Variants in LPP observed in about 807,000 individuals in gnomAD.
The protein encoded by LPP is lipoma-preferred partner.
A neutral mutation model predicts 60.4 loss-of-function variants in LPP; 38 were observed. That is an observed-to-expected ratio of 0.63 (90% CI 0.49 to 0.83). The LOEUF (loss-of-function observed/expected upper bound fraction) is 0.83, where lower values mean the gene tolerates loss of function less well. LPP is among the 40% of genes least tolerant of loss of function. The pLI is 0.00. For missense variants in LPP, 902 were observed against 783.6 expected (o/e 1.15, Z -1.80); for synonymous variants, 328 against 290.8 (o/e 1.13, Z -1.30).
intron 3 of LPP, among the ~76,000 whole-genome samples, chr3:188,403,054 G>A (rs1452807373): frequency 6.6e-6 from 1 of 152,134 alleles, no homozygotes; most frequent in Non-Finnish European, 1.5e-5. Context: ...ACATGCAGAA[G>A]AATGGTAAGA....
intron 4 of LPP, among the ~76,000 whole-genome samples, chr3:188,471,357 G>A (rs1011905617): frequency 2.6e-5 from 4 of 152,182 alleles, no homozygotes; most frequent in Non-Finnish European, 5.9e-5. Flanking sequence ...AAAAACCTGG[G>A]TCAGGAAGAA....
chr3:188,182,178 G>T lies in LPP; in HGVS notation c.-190+27926G>T, dbSNP rs7644774. Among the ~76,000 whole-genome samples the T allele has an allele frequency of 6.5e-3, 996 of 152,248 alleles. 8 individuals are homozygous for T. The highest frequency in any genetic ancestry group is 0.023 in the African/African-American group (935 of 41,530). On this transcript the variant is annotated intron_variant, in intron 1 of 11. Coordinates refer to ENST00000617246, the MANE Select transcript of LPP (RefSeq NM_001375462.1). The surrounding 1 kb of genome is among the most constrained non-coding windows in gnomAD (Gnocchi z 4.4). ...AATCTGTGTGGAACGATTGCCTTAGGCTGCAAGTTTATCCCTTCACAATGC... is the reference window on the plus strand; with the variant it reads ...AATCTGTGTGGAACGATTGCCTTAGTCTGCAAGTTTATCCCTTCACAATGC...
chr3:188,266,657 A>G (rs1735685365), intron 2 of LPP, among the ~76,000 whole-genome samples: 1 of 151,978 alleles, frequency 6.6e-6, no homozygotes, highest in African/African-American at 2.4e-5. Flanking sequence ...GTGTTTATTT[A>G]TTTATTTGGC....
chr3:188,240,092 G>A (rs1723432323), intron 2 of LPP: 1 of 196,312 alleles, frequency 5.1e-6, no homozygotes, highest in Non-Finnish European at 1.1e-5. Context: ...TCATGGAGCT[G>A]GCAGATGGAT....
chr3:188,603,532 A>G (rs987255258), intron 6 of LPP, among the ~76,000 whole-genome samples: 2 of 152,110 alleles, frequency 1.3e-5, no homozygotes, highest in Non-Finnish European at 2.9e-5. Context: ...CTTCTTCTGG[A>G]AAATGAGGAT....
chr3:188,255,431 C>G (rs1307637422), intron 2 of LPP, among the ~76,000 whole-genome samples: 6 of 152,198 alleles, frequency 3.9e-5, no homozygotes, highest in Non-Finnish European at 8.8e-5. Flanking sequence ...CATGACACAT[C>G]ATATCAAGGC....
intron 9 of LPP, among the ~76,000 whole-genome samples, chr3:188,838,749 C>T (rs547193062): frequency 2.6e-4 from 39 of 152,222 alleles, no homozygotes; most frequent in African/African-American, 9.4e-4. Context: ...AGCAAACTAA[C>T]ACAGGAACAG....
At chr3:188,249,123 A>G (rs57420597) in intron 2 of LPP, among the ~76,000 whole-genome samples, 4,657 of 152,182 alleles carry the variant, frequency 0.031, 224 homozygotes, top group African/African-American at 0.1. Context: ...TGCTATTTTA[A>G]TTTTACAGAT....
At chr3:188,624,467 A>G (rs558544092) in intron 7 of LPP, among the ~76,000 whole-genome samples, 2 of 152,312 alleles carry the variant, frequency 1.3e-5, no homozygotes, top group South Asian at 2.1e-4. Context: ...AAACCTTTGG[A>G]TAGAACATTG....
At chr3:188,379,281 A>G (rs1443325914) in intron 3 of LPP, among the ~76,000 whole-genome samples, 1 of 152,150 alleles carries the variant, frequency 6.6e-6, no homozygotes, top group African/African-American at 2.4e-5. Context: ...GATACAAATG[A>G]CATTCTGAGG....
chr3:188,459,479 T>TA lies in LPP; in HGVS notation c.194-25112dup, dbSNP rs370602395. 1.5e-3 allele frequency among the ~76,000 whole-genome samples: 227 copies of TA among 152,236 alleles called. 2 individuals carry two copies. Among genetic ancestry groups the TA allele is most frequent in the African/African-American group, 5.2e-3 (217 of 41,540 alleles). On this transcript the variant is annotated intron_variant, in intron 4 of 11. Coordinates refer to ENST00000617246, the MANE Select transcript of LPP (RefSeq NM_001375462.1). Reference sequence around the variant, plus strand: ...ACATCTTCACAAAGGCCTCATAAACTAGCGTGTCTCAGAATAGTTCATTAA... The same window carrying TA: ...ACATCTTCACAAAGGCCTCATAAACTAAGCGTGTCTCAGAATAGTTCATTAA...
In LPP at chr3:188,832,933, A is replaced by T. The variant is rs185951068; in HGVS notation, c.1411-33267A>T. Among the ~76,000 whole-genome samples the T allele has an allele frequency of 1.1e-4, 16 of 152,288 alleles. No homozygotes were observed. In the East Asian group the frequency reaches 2.9e-3, roughly 28 times the overall value. On this transcript the variant is annotated intron_variant, in intron 9 of 11. Transcript: ENST00000617246. Reference sequence around the variant, plus strand: ...CCTTCATGACAAAAGGACTGGAGGAAAATGTATCTGGCAAGTCGATAACAC... The same window carrying T: ...CCTTCATGACAAAAGGACTGGAGGATAATGTATCTGGCAAGTCGATAACAC...
intron 7 of LPP, among the ~76,000 whole-genome samples, chr3:188,674,953 C>T (rs1029670071): frequency 6.6e-6 from 1 of 152,192 alleles, no homozygotes; most frequent in African/African-American, 2.4e-5. Context: ...ATGAATATTA[C>T]TATTGTGTTG....
chr3:188,472,011 T>C (rs559665862), intron 4 of LPP, among the ~76,000 whole-genome samples: 2 of 152,318 alleles, frequency 1.3e-5, no homozygotes, highest in Non-Finnish European at 2.9e-5. Flanking sequence ...AATGTTCCTG[T>C]TCTCCAGCTG....
chr3:188,600,409 T>C (rs1473054703), intron 6 of LPP, among the ~76,000 whole-genome samples: 1 of 151,396 alleles, frequency 6.6e-6, no homozygotes, highest in Admixed American at 6.6e-5. Context: ...TAGATCCTTC[T>C]AGCCATATAT....
intron 2 of LPP, among the ~76,000 whole-genome samples, chr3:188,284,802 C>T (rs1358638976): frequency 2.0e-5 from 3 of 151,876 alleles, no homozygotes; most frequent in African/African-American, 4.8e-5. Context: ...GAAAGGGCCT[C>T]GGCCCCATTT....
intron 6 of LPP, among the ~76,000 whole-genome samples, chr3:188,585,720 T>C (rs1837288697): frequency 6.6e-6 from 1 of 152,250 alleles, no homozygotes; most frequent in Non-Finnish European, 1.5e-5. Context: ...TACAGGTATT[T>C]CATAAGGGAA....
At chr3:188,449,404 T>G (rs1348558556) in intron 4 of LPP, among the ~76,000 whole-genome samples, 1 of 152,228 alleles carries the variant, frequency 6.6e-6, no homozygotes, top group Non-Finnish European at 1.5e-5. Flanking sequence ...TTTTTAGAAA[T>G]ATATACTATT....
intron 7 of LPP, among the ~76,000 whole-genome samples, chr3:188,667,985 A>G (rs1856167775): frequency 6.6e-6 from 1 of 152,114 alleles, no homozygotes; most frequent in Non-Finnish European, 1.5e-5. Flanking sequence ...CCATGCACTT[A>G]AACAATATTT....
Sources: gnomAD v4.1 joint callset for allele counts (sites outside exome capture counted in the v4.1 genomes callset) on GRCh38, gnomAD v4.1.1 for gene constraint, Gnocchi (gnomAD v3.1) non-coding constraint, MANE v1.5 for transcripts, NCBI Gene and HGNC (gene_info 2026-07-23, HGNC 2026-07-21) for gene names.